The following SLC17A1 variants were observed in gnomAD, a reference collection of about 807,000 sequenced individuals.
SLC17A1 encodes solute carrier family 17 member 1, also known as sodium-dependent phosphate transport protein 1.
A neutral mutation model predicts 53.5 loss-of-function variants in SLC17A1; 51 were observed. That is an observed-to-expected ratio of 0.95 (90% CI 0.76 to 1.20). SLC17A1 has a LOEUF of 1.20. Among genes scored for constraint, SLC17A1 ranks in the 50% most tolerant of loss-of-function variants. SLC17A1 has a pLI of 0.00. For synonymous variants in SLC17A1, 179 were observed against 198.8 expected, an observed-to-expected ratio of 0.90 and a Z score of 0.84; for missense variants, 538 against 568.2, an observed-to-expected ratio of 0.95 and a Z score of 0.54.
the SLC17A1 span, among the ~76,000 whole-genome samples, chr6:25,765,409 A>G: frequency 2.6e-5 from 4 of 152,254 alleles, no homozygotes; most frequent in African/African-American, 9.6e-5. Flanking sequence ...GAAGTAACAC[A>G]TCTTAATCAT....
chr6:25,747,610 C>A, the SLC17A1 span, among the ~76,000 whole-genome samples: 1 of 152,150 alleles, frequency 6.6e-6, no homozygotes, highest in Admixed American at 6.5e-5. Flanking sequence ...TAACCACCAA[C>A]GGGATGAGAT....
the SLC17A1 span, chr6:25,770,252 G>A: frequency 1.3e-5 from 21 of 1,613,988 alleles, no homozygotes; most frequent in South Asian, 2.2e-5. Flanking sequence ...CAGCTAATGC[G>A]GGAGTGGCCT....
downstream of SLC17A1, among the ~76,000 whole-genome samples, chr6:25,778,334 C>G (rs370661121): frequency 2.6e-5 from 4 of 151,718 alleles, no homozygotes; most frequent in African/African-American, 9.7e-5. Flanking sequence ...AATGACTTTC[C>G]TGTGGTTTTT....
the SLC17A1 span, chr6:25,769,115 C>T: frequency 6.2e-7 from 1 of 1,614,054 alleles, no homozygotes; most frequent in Non-Finnish European, 8.5e-7. Context: ...CTAGCCAGCC[C>T]AATGCTTCCA....
Position 25,811,531 on chromosome 6 carries a change from C to A in SLC17A1, c.1045G>T (p.Ala349Ser). The A allele has an allele frequency of 6.2e-7, 1 of 1,613,832 alleles. No individual in the cohort carries two copies. Among genetic ancestry groups the A allele is most frequent in the Non-Finnish European group, 8.5e-7 (1 of 1,179,844 alleles). Residue 349 changes from alanine (A) to serine (S), a missense_variant, in exon 10 of 13, where the codon GCA becomes TCA. Coordinates refer to ENST00000244527, the MANE Select transcript of SLC17A1 (RefSeq NM_005074.5). ...LFTAAGFLLP[A>S]IFGVCLPYLS... ...TAAGGCAGGCAGACACCAAAGATTG[C>A]AGGAAGGAGAAATCCTGGGGAGTGA... is the stretch of plus-strand genomic sequence containing the variant.
At chr6:25,762,062 A>G in the SLC17A1 span, 1 of 1,610,398 alleles carries the variant, frequency 6.2e-7, no homozygotes, top group Admixed American at 1.7e-5. Context: ...AGGTAAAATC[A>G]TGCACAGTAA....
chr6:25,798,859 G>A lies in SLC17A1; in HGVS notation c.1330C>T (p.Leu444=). The A allele has an allele frequency of 6.2e-7, 1 of 1,609,754 alleles. No individual in the cohort carries two copies. The highest frequency in any genetic ancestry group is 8.5e-7 in the Non-Finnish European group (1 of 1,177,144). The change falls in exon 12 of 13, where the codon CTA becomes TTA. Residue 444 remains leucine, a synonymous_variant. Transcript: ENST00000244527. ...GTAGCAACTATAAGGTAGAAAATTA[G>A]GCCAGTCACATTAATGGCTGCCATC... is the stretch of plus-strand genomic sequence containing the variant. ...ILMAAINVTG[L]IFYLIVATAE... is the part of the protein sequence containing the mutation.
intron 8 of SLC17A1, among the ~76,000 whole-genome samples, chr6:25,812,462 A>C (rs1764190305): frequency 1.3e-5 from 2 of 152,208 alleles, no homozygotes. Context: ...GGATTGGTAA[A>C]AGCTTGGCAG....
chr6:25,729,356 G>A, the SLC17A1 span, among the ~76,000 whole-genome samples: 1 of 152,300 alleles, frequency 6.6e-6, no homozygotes, highest in Non-Finnish European at 1.5e-5. Flanking sequence ...TCTTGCCTCT[G>A]CCCTTCTCCA....
chr6:25,761,531 A>G, the SLC17A1 span, among the ~76,000 whole-genome samples: 1 of 152,192 alleles, frequency 6.6e-6, no homozygotes, highest in African/African-American at 2.4e-5. Flanking sequence ...TGTAATATGT[A>G]TAGGTGTTTA....
chr6:25,818,214 A>G (rs59042610), intron 6 of SLC17A1, among the ~76,000 whole-genome samples: 4,432 of 152,298 alleles, frequency 0.029, 79 homozygotes, highest in Middle Eastern at 0.082. Flanking sequence ...AACCCTGGTT[A>G]GCTCTGTCTT....
At chr6:25,801,765 T>C (rs1461307639) in intron 10 of SLC17A1, among the ~76,000 whole-genome samples, 1 of 152,186 alleles carries the variant, frequency 6.6e-6, no homozygotes, top group Non-Finnish European at 1.5e-5. Context: ...TGCCTTTACA[T>C]GTTGAGTATG....
chr6:25,814,998 C>G (rs1248061180), intron 6 of SLC17A1, among the ~76,000 whole-genome samples: 2 of 52,440 alleles, frequency 3.8e-5, no homozygotes. Flanking sequence ...CAAACACACA[C>G]ACACACACAC....
chr6:25,728,455 C>T, the SLC17A1 span, among the ~76,000 whole-genome samples: 1 of 152,058 alleles, frequency 6.6e-6, no homozygotes, highest in Non-Finnish European at 1.5e-5. Flanking sequence ...ATTTGTTTAA[C>T]GCATCTTCAT....
rs372326089 is a variant in SLC17A1 at position 25,812,964 on chromosome 6, A to G, written c.764T>C (p.Ile255Thr). The change falls in exon 8 of 13, where the codon ATC becomes ACC. Residue 255 changes from isoleucine (I) to threonine (T), a missense_variant. Physicochemically the swap from Ile to Thr is moderately conservative, Grantham distance 89. Coordinates refer to ENST00000244527, the MANE Select transcript of SLC17A1 (RefSeq NM_005074.5). Reference sequence around the variant, plus strand: ...TGGAAGCGACTTAAGTATAGCCTTGATAGGCAGAGATTGTCTACTTGAACT... The same window carrying G: ...TGGAAGCGACTTAAGTATAGCCTTGGTAGGCAGAGATTGTCTACTTGAACT... ...QVSSSRQSLP[I>T]KAILKSLPVW... 3 of 1,613,976 alleles carry G rather than the reference A, an allele frequency of 1.9e-6. No individual in the cohort carries two copies. Among genetic ancestry groups the G allele is most frequent in the Non-Finnish European group, 2.5e-6 (3 of 1,179,982 alleles).
chr6:25,757,082 CAATTTT>C, the SLC17A1 span, among the ~76,000 whole-genome samples: 1 of 152,130 alleles, frequency 6.6e-6, no homozygotes, highest in Non-Finnish European at 1.5e-5. Context: ...GATTTCAATT[CAATTTT>C]GAGTGTGTTT....
chr6:25,772,738 A>C, the SLC17A1 span, among the ~76,000 whole-genome samples: 2 of 152,192 alleles, frequency 1.3e-5, no homozygotes, highest in East Asian at 3.8e-4. Flanking sequence ...GAACTCTGCA[A>C]AGCATGACTA....
chr6:25,738,892 G>A, the SLC17A1 span, among the ~76,000 whole-genome samples: 1 of 152,026 alleles, frequency 6.6e-6, no homozygotes, highest in Non-Finnish European at 1.5e-5. Flanking sequence ...ATCAAATGAT[G>A]GCATGAATAT....
the SLC17A1 span, among the ~76,000 whole-genome samples, chr6:25,757,292 C>G: frequency 6.6e-6 from 1 of 151,996 alleles, no homozygotes; most frequent in Non-Finnish European, 1.5e-5. Context: ...AAGAATAGTC[C>G]TTCACAGAGA....
Sources: allele counts gnomAD v4.1 joint callset (sites outside exome capture counted in the v4.1 genomes callset), GRCh38; gene constraint gnomAD v4.1.1; transcripts MANE v1.5; gene names NCBI Gene and HGNC (gene_info 2026-07-23, HGNC 2026-07-21).